Variants in NKAIN2 observed in about 807,000 individuals in gnomAD.
The protein encoded by NKAIN2 is sodium/potassium-transporting ATPase subunit beta-1-interacting protein 2.
Under a neutral mutation model 32.6 loss-of-function variants are expected in NKAIN2, and 14 were observed. That is an observed-to-expected ratio of 0.43 (90% CI 0.28 to 0.67). The LOEUF is 0.67. NKAIN2 is among the 30% of genes least tolerant of loss of function. The pLI, the probability that NKAIN2 is intolerant of heterozygous loss-of-function variation, is 0.17. For synonymous variants in NKAIN2, 80 were observed against 87.2 expected (o/e 0.92, Z 0.46); for missense variants, 198 against 258.3 (o/e 0.77, Z 1.60).
chr6:124,114,664 G>T lies in NKAIN2; in HGVS notation c.55-168341G>T, dbSNP rs117303975. Among the ~76,000 whole-genome samples the T allele has an allele frequency of 1.0e-3, 153 of 152,200 alleles. 2 individuals are homozygous for T. The East Asian group carries it at 0.025, about 25-fold the overall frequency. On this transcript the variant is annotated intron_variant, in intron 1 of 6. Transcript: ENST00000368417. ...GACCCATTAAAAGAAACCAGAAAAA[G>T]ATTTTGAGATTAAGTAGCCAGAGAG...
intron 2 of NKAIN2, among the ~76,000 whole-genome samples, chr6:124,322,459 T>C (rs1797237486): frequency 1.3e-5 from 2 of 152,176 alleles, no homozygotes; most frequent in Non-Finnish European, 2.9e-5. Context: ...TGTAGTTCTA[T>C]GCCATTTTAT....
chr6:124,057,858 T>G (rs1782732554), intron 1 of NKAIN2, among the ~76,000 whole-genome samples: 1 of 152,000 alleles, frequency 6.6e-6, no homozygotes, highest in Non-Finnish European at 1.5e-5. Context: ...TTTAATGCAC[T>G]AGGAGTATAG....
chr6:124,157,713 G>GTTTTATT (rs1156287950), intron 1 of NKAIN2, among the ~76,000 whole-genome samples: 1 of 151,964 alleles, frequency 6.6e-6, no homozygotes, highest in Non-Finnish European at 1.5e-5. Flanking sequence ...GATTTAATTT[G>GTTTTATT]TTTTATTTTC....
intron 3 of NKAIN2, among the ~76,000 whole-genome samples, chr6:124,501,425 C>T (rs545857531): frequency 5.3e-5 from 8 of 152,190 alleles, no homozygotes; most frequent in East Asian, 3.9e-4. Flanking sequence ...CTCAAATTAG[C>T]CGTAATGGAA....
intron 3 of NKAIN2, among the ~76,000 whole-genome samples, chr6:124,416,800 C>A (rs779936376): frequency 1.7e-4 from 26 of 152,018 alleles, no homozygotes; most frequent in Non-Finnish European, 3.1e-4. Flanking sequence ...CCTGTCCAGC[C>A]AAGGTGGTAT....
intron 1 of NKAIN2, among the ~76,000 whole-genome samples, chr6:123,943,716 T>C (rs1160757486): frequency 6.6e-6 from 1 of 152,088 alleles, no homozygotes. Context: ...CACCACTTCA[T>C]TGAAAATAGA....
intron 1 of NKAIN2, among the ~76,000 whole-genome samples, chr6:123,878,990 C>T (rs1390125100): frequency 6.6e-6 from 1 of 152,178 alleles, no homozygotes; most frequent in Non-Finnish European, 1.5e-5. Flanking sequence ...TTTTCCAATA[C>T]TGAAAATGAG....
chr6:124,581,719 A>G (rs116584569), intron 3 of NKAIN2, among the ~76,000 whole-genome samples: 108 of 152,334 alleles, frequency 7.1e-4, no homozygotes, highest in African/African-American at 2.4e-3. Flanking sequence ...TGGAAAGGAT[A>G]CAAACATATG....
chr6:124,752,474 C>T (rs1777768305), intron 4 of NKAIN2, among the ~76,000 whole-genome samples: 1 of 151,910 alleles, frequency 6.6e-6, no homozygotes, highest in African/African-American at 2.4e-5. Context: ...ACTCCTATCC[C>T]ATCTTTGTTA....
At chr6:124,332,394 ATT>A (rs2115055186) in intron 2 of NKAIN2, among the ~76,000 whole-genome samples, 1 of 152,268 alleles carries the variant, frequency 6.6e-6, no homozygotes, top group African/African-American at 2.4e-5. Flanking sequence ...CGACACTCTA[ATT>A]CAAAGAGTAT....
intron 1 of NKAIN2, among the ~76,000 whole-genome samples, chr6:124,178,279 T>C (rs192543936): frequency 8.3e-4 from 124 of 149,590 alleles, no homozygotes; most frequent in African/African-American, 3.0e-3. Flanking sequence ...AGCAGCCAAA[T>C]GGATTTAGAC....
At chr6:124,673,169 A>G (rs532703111) in intron 4 of NKAIN2, among the ~76,000 whole-genome samples, 1 of 152,182 alleles carries the variant, frequency 6.6e-6, no homozygotes, top group East Asian at 1.9e-4. Context: ...TGCTTGTCTC[A>G]TTAAGCATGA....
intron 1 of NKAIN2, among the ~76,000 whole-genome samples, chr6:124,246,560 G>T (rs2114794064): frequency 6.6e-6 from 1 of 152,154 alleles, no homozygotes; most frequent in Admixed American, 6.6e-5. Flanking sequence ...CCTATTTTGG[G>T]AGGAGTTGAA....
intron 2 of NKAIN2, among the ~76,000 whole-genome samples, chr6:124,346,749 C>T (rs1219758770): frequency 6.6e-6 from 1 of 151,878 alleles, no homozygotes; most frequent in Non-Finnish European, 1.5e-5. Context: ...AGATGGGTTT[C>T]CTGAATACAG....
At chr6:124,150,025 C>T (rs1281193282) in intron 1 of NKAIN2, among the ~76,000 whole-genome samples, 1 of 152,024 alleles carries the variant, frequency 6.6e-6, no homozygotes, top group African/African-American at 2.4e-5. Context: ...GTAAACAAGC[C>T]TGTTTAAAAT....
At chr6:124,437,262 G>A (rs1379205264) in intron 3 of NKAIN2, among the ~76,000 whole-genome samples, 1 of 152,100 alleles carries the variant, frequency 6.6e-6, no homozygotes, top group Admixed American at 6.6e-5. Context: ...TTTTTTTCTT[G>A]TTTATAATAT....
chr6:124,094,910 T>C (rs1355241696), intron 1 of NKAIN2, among the ~76,000 whole-genome samples: 1 of 152,180 alleles, frequency 6.6e-6, no homozygotes, highest in Non-Finnish European at 1.5e-5. Context: ...CTTTTCATTA[T>C]ATATAGCTAG....
chr6:124,633,030 A>G (rs1002018157), intron 3 of NKAIN2, among the ~76,000 whole-genome samples: 7 of 152,146 alleles, frequency 4.6e-5, no homozygotes, highest in Admixed American at 2.6e-4. Context: ...GAAGTTAATT[A>G]TGTGAATTAT....
At chr6:124,661,613 TAATCACACAGC>T (rs1344403268) in intron 4 of NKAIN2, among the ~76,000 whole-genome samples, 1 of 152,202 alleles carries the variant, frequency 6.6e-6, no homozygotes, top group Non-Finnish European at 1.5e-5. Context: ...GAGGGGCTAT[TAATCACACAGC>T]TTCCAGCCGT....
Sources: gnomAD v4.1 joint callset for allele counts (sites outside exome capture counted in the v4.1 genomes callset) on GRCh38, gnomAD v4.1.1 for gene constraint, MANE v1.5 for transcripts, NCBI Gene and HGNC (gene_info 2026-07-23, HGNC 2026-07-21) for gene names.